Variants in ARSA observed in about 807,000 individuals in gnomAD.
The protein encoded by ARSA is arylsulfatase A.
ARSA carries 32 observed loss-of-function variants against 37.8 expected under a neutral mutation model. The observed-to-expected ratio is 0.85, with a 90% CI of 0.64 to 1.14. The LOEUF is 1.14. Ranked by LOEUF, ARSA falls within the 50% of genes most tolerant of loss-of-function variation. ARSA has a pLI of 0.00. For synonymous variants in ARSA, 303 were observed against 303.4 expected, an observed-to-expected ratio of 1.00 and a Z score of 0.01; for missense variants, 685 against 686.3, an observed-to-expected ratio of 1.00 and a Z score of 0.02.
chr22:50,625,555 G>A (rs772146580), intron 7 of ARSA, 24 bp downstream of exon 7: 9 of 1,609,770 alleles, frequency 5.6e-6, no homozygotes, highest in Non-Finnish European at 5.1e-6. Flanking sequence ...AGGTCGGGGG[G>A]AGGGATCCAC....
At chr22:50,626,426 C>T (rs992109108) in intron 4 of ARSA, 148 bp from the exon 5 acceptor site, 44 of 1,490,024 alleles carry the variant, frequency 3.0e-5, no homozygotes, top group African/African-American at 2.4e-4. Context: ...AAGACCAGCT[C>T]TCTGTGCACT....
chr22:50,625,655 G>A lies in ARSA; in HGVS notation c.1134C>T (p.Tyr378=), dbSNP rs775109445. The change falls in exon 7 of 8, where the codon TAC becomes TAT. Residue 378 remains tyrosine, a synonymous_variant. Coordinates refer to ENST00000216124, the MANE Select transcript of ARSA (RefSeq NM_000487.6). ...CACGGACCTCGTCTGGGTAGGACGGGTAGAAGAAGAGAGACTGCCGAGGGC... is the reference window on the plus strand; with the variant it reads ...CACGGACCTCGTCTGGGTAGGACGGATAGAAGAAGAGAGACTGCCGAGGGC... The part of the protein sequence containing the change: ...GKSPRQSLFF[Y]PSYPDEVRGV... 27 of 1,613,618 alleles carry A rather than the reference G, an allele frequency of 1.7e-5. No homozygotes were observed. Among genetic ancestry groups the A allele is most frequent in the Non-Finnish European group, 2.2e-5 (26 of 1,179,972 alleles).
At position 50,625,317 on chromosome 22, in the gene ARSA, T is replaced by G; in HGVS notation, c.1358A>C (p.Glu453Ala). The change falls in exon 8 of 8, where the codon GAG (glutamate) becomes GCG (alanine). Residue 453 changes from glutamate to alanine, a missense_variant. Physicochemically the swap from Glu to Ala is moderately radical, Grantham distance 107 (BLOSUM62 -1). Transcript: ENST00000216124. Reference sequence around the variant, plus strand: ...AAGCTGTTTCAGGGCTTGCAGCACCTCTGGGGTGGCCCCGGCCACACCCCC... The same window carrying G: ...AAGCTGTTTCAGGGCTTGCAGCACCGCTGGGGTGGCCCCGGCCACACCCCC... ...LLGGVAGATP[E>A]VLQALKQLQL... The G allele has an allele frequency of 6.2e-7, 1 of 1,612,784 alleles. No individual in the cohort carries two copies.
At chr22:50,626,326 C>T in intron 4 of ARSA, 48 bp from the exon 5 acceptor site, 1 of 1,600,544 alleles carries the variant, frequency 6.2e-7, no homozygotes, top group Non-Finnish European at 8.5e-7. Context: ...AGCCTCTGAG[C>T]CACCGAGGGT....
rs971401400 is a variant in ARSA, at chr22:50,624,426, G to T, written c.*719C>A. On this transcript the variant is annotated 3_prime_UTR_variant, in exon 8 of 8. Transcript: ENST00000216124. ...GCTGGGTGGAGAATCGTTAGTAGTG[G>T]GTCAAAAGGTGAAGGCAGGAGACAG... Among the ~76,000 whole-genome samples the T allele has an allele frequency of 6.6e-6, 1 of 152,296 alleles. No homozygotes were observed. The highest frequency in any genetic ancestry group is 2.4e-5 in the African/African-American group (1 of 41,566).
At position 50,624,981 on chromosome 22, in the gene ARSA, G is replaced by C; in HGVS notation, c.*164C>G. 1 of 832,382 alleles carries C rather than the reference G, an allele frequency of 1.2e-6. No individual in the cohort carries two copies. Among genetic ancestry groups the C allele is most frequent in the Non-Finnish European group, 1.8e-6 (1 of 560,870 alleles). 51.6% of individuals were successfully genotyped at this position (832,382 alleles called of 1,614,324 possible). On this transcript the variant is annotated 3_prime_UTR_variant, in exon 8 of 8. Transcript: ENST00000216124. ...TTCCTCATTCGTACCACAGGGGACC[G>C]GCACCAGCACACAGCATTACCCCAG...
At position 50,627,320 on chromosome 22, in the gene ARSA, A is replaced by T; in HGVS notation, c.311T>A (p.Leu104Gln). The change falls in exon 2 of 8, where the codon CTG (leucine) becomes CAG (glutamine). Residue 104 changes from leucine (L) to glutamine (Q), a missense_variant. Leu to Gln is a moderately radical substitution (Grantham distance 113). Transcript: ENST00000216124. ...LVPSSRGGLPLEEVTVAEVLA... is the reference protein window; with the variant it reads ...LVPSSRGGLPQEEVTVAEVLA... The stretch of plus-strand genomic sequence containing the variant: ...GACTTCGGCCACGGTCACCTCCTCC[A>T]GGGGCAGGCCCCCCCGGGAGCTGGG... The T allele has an allele frequency of 6.3e-7, 1 of 1,589,550 alleles. No individual in the cohort carries two copies. Among genetic ancestry groups the T allele is most frequent in the Non-Finnish European group, 8.6e-7 (1 of 1,169,140 alleles).
In ARSA at chr22:50,627,916, A is replaced by G; in HGVS notation, c.-137T>C. On this transcript the variant is annotated 5_prime_UTR_variant, in exon 1 of 8. Transcript: ENST00000216124. ...CCCCGACCCTGACGGCCGCCTCCTG[A>G]AGCTCCAGAGGGCCGGGGCCCGACA... 1.1e-6 allele frequency: 1 copy of G among 875,160 alleles called. No individual in the cohort carries two copies. The highest frequency in any genetic ancestry group is 1.7e-6 in the Non-Finnish European group (1 of 581,742). 54.2% of individuals were successfully genotyped at this position (875,160 alleles called of 1,614,324 possible). A position where few individuals can be genotyped will look rare whatever the true frequency, so the allele number is the denominator to read the frequency against.
At position 50,625,452 on chromosome 22, in the gene ARSA, C is replaced by G. The variant is rs779702635; in HGVS notation, c.1223G>C (p.Ser408Thr). Residue 408 changes from serine to threonine, a missense_variant, in exon 8 of 8, where the codon AGT becomes ACT. Coordinates refer to ENST00000216124, the MANE Select transcript of ARSA (RefSeq NM_000487.6). The stretch of plus-strand genomic sequence containing the variant: ...GCAGGCAGGGTCTGCAGTGGTATCA[C>G]TGTGGGCAGAGCCTGGGGAGGGGGC... ...AHFFTQGSAH[S>T]DTTADPACHA... 14 of 1,601,938 alleles carry G rather than the reference C, an allele frequency of 8.7e-6. No individual in the cohort carries two copies. The African/African-American group carries it at 1.9e-4, about 21-fold the overall frequency.
In ARSA at chr22:50,624,350, C is replaced by T. The variant is rs1181947151; in HGVS notation, c.*795G>A. 2.0e-5 allele frequency among the ~76,000 whole-genome samples: 3 copies of T among 152,192 alleles called. No individual in the cohort carries two copies. The highest frequency in any genetic ancestry group is 4.8e-5 in the African/African-American group (2 of 41,450). ...CTTCCTAAAGTGCTGGGATTACAGG[C>T]GTGAGCCACCGTGCCCAGCCAACAG... On this transcript the variant is annotated 3_prime_UTR_variant, in exon 8 of 8. Coordinates refer to ENST00000216124, the MANE Select transcript of ARSA (RefSeq NM_000487.6).
chr22:50,626,097 G>C, intron 5 of ARSA, 34 bp from the exon 6 acceptor site: 5 of 1,599,858 alleles, frequency 3.1e-6, no homozygotes, highest in Non-Finnish European at 4.3e-6. Context: ...CACTCAGTTC[G>C]CCATCAAGGT....
At chr22:50,626,446 G>C in intron 4 of ARSA, 145 bp downstream of exon 4, 1 of 1,480,940 alleles carries the variant, frequency 6.8e-7, no homozygotes, top group Non-Finnish European at 9.1e-7. Flanking sequence ...TGTGTCTCCT[G>C]ACTACACCTT....
intron 7 of ARSA, 54 bp from the exon 8 acceptor site, chr22:50,625,518 G>A: frequency 4.3e-6 from 7 of 1,610,838 alleles, no homozygotes; most frequent in Middle Eastern, 1.7e-4. Context: ...AGGGGCCAGG[G>A]ATCTAGGGCT....
At position 50,623,898 on chromosome 22, in the gene ARSA, C is replaced by CAAAAAAAAAAAAAAAAAAAAAAAA. The variant is rs131716; in HGVS notation, c.*1223_*1246dup. On this transcript the variant is annotated 3_prime_UTR_variant, in exon 8 of 8. Coordinates refer to ENST00000216124, the MANE Select transcript of ARSA (RefSeq NM_000487.6). ...TGGGCGACAGAGCGAGACTCCGTCT[C>CAAAAAAAAAAAAAAAAAAAAAAAA]AAAAAAAAAAAAAAAAAAAAAAAAA... 7.1e-6 allele frequency: 1 copy of CAAAAAAAAAAAAAAAAAAAAAAAA among 141,750 alleles called. No homozygotes were observed. Among genetic ancestry groups the CAAAAAAAAAAAAAAAAAAAAAAAA allele is most frequent in the Non-Finnish European group, 1.6e-5 (1 of 64,152 alleles). 8.8% of individuals were successfully genotyped at this position (141,750 alleles called of 1,614,324 possible). A position where few individuals can be genotyped will look rare whatever the true frequency, so the allele number is the denominator to read the frequency against.
At chr22:50,626,321 C>T (rs1031770055) in intron 4 of ARSA, 43 bp from the exon 5 acceptor site, 4 of 1,602,446 alleles carry the variant, frequency 2.5e-6, no homozygotes, top group Non-Finnish European at 3.4e-6. Context: ...GCCACAGCCT[C>T]TGAGCCACCG....
In ARSA at chr22:50,626,539, A is replaced by G. The variant is rs6151417; in HGVS notation, c.854+52T>C. On this transcript the variant is annotated intron_variant, in intron 4 of 7. Transcript: ENST00000216124. ...CAAGCAGCTGAACTGCAAGGCCTCCAGGGCCCTGGCCCGTGACAGGGCCGG... is the reference window on the plus strand; with the variant it reads ...CAAGCAGCTGAACTGCAAGGCCTCCGGGGCCCTGGCCCGTGACAGGGCCGG... 9.9e-4 allele frequency: 1,594 copies of G among 1,604,760 alleles called. 19 individuals carry two copies. The South Asian group carries it at 0.011, about 11-fold the overall frequency.
Position 50,627,555 on chromosome 22 carries a change from C to A in ARSA, c.224+1G>T, listed in dbSNP as rs1555901108. 1 of 1,559,836 alleles carries A rather than the reference C, an allele frequency of 6.4e-7. No individual in the cohort carries two copies. Among genetic ancestry groups the A allele is most frequent in the Non-Finnish European group, 8.7e-7 (1 of 1,151,578 alleles). On this transcript the variant is annotated splice_donor_variant, in intron 1 of 7. Transcript: ENST00000216124. LOFTEE classifies it high-confidence loss of function. Reference sequence around the variant, plus strand: ...GGGAAGAGGCGCGGCCCCCTCTTTACCTAGAGGGTGTGCACAGAGACACAG... The same window carrying A: ...GGGAAGAGGCGCGGCCCCCTCTTTAACTAGAGGGTGTGCACAGAGACACAG...
chr22:50,623,377 G>A lies in ARSA; in HGVS notation c.*1768C>T, dbSNP rs1368891804. On this transcript the variant is annotated 3_prime_UTR_variant, in exon 8 of 8. Coordinates refer to ENST00000216124, the MANE Select transcript of ARSA (RefSeq NM_000487.6). ...CAAACTGGGTCACTGTAAGGGGTTTGGATTTTCTTCTGAGAAGCCTGCGAA... is the reference window on the plus strand; with the variant it reads ...CAAACTGGGTCACTGTAAGGGGTTTAGATTTTCTTCTGAGAAGCCTGCGAA... The A allele has an allele frequency of 2.0e-5, 3 of 152,204 alleles. No individual in the cohort carries two copies. Among genetic ancestry groups the A allele is most frequent in the Admixed American group, 6.5e-5 (1 of 15,272 alleles). The allele number at this position is 152,204 out of a possible 1,614,324, so 9.4% of individuals were successfully genotyped here.
intron 7 of ARSA, 48 bp downstream of exon 7, chr22:50,625,530 CG>C (rs2082649561): frequency 3.3e-6 from 5 of 1,510,608 alleles, no homozygotes; most frequent in South Asian, 1.1e-5. Context: ...TCTAGGGCTC[CG>C]GGGAGGGGTC....
Sources: gnomAD v4.1 joint callset for allele counts (sites outside exome capture counted in the v4.1 genomes callset) on GRCh38, gnomAD v4.1.1 for gene constraint, MANE v1.5 for transcripts, NCBI Gene and HGNC (gene_info 2026-07-23, HGNC 2026-07-21) for gene names.